TMEM114: variants seen among roughly 807,000 people sequenced by gnomAD.
TMEM114 encodes claudin-26.
TMEM114 carries 6 observed loss-of-function variants against 6.2 expected under a neutral mutation model. That is an observed-to-expected ratio of 0.97 (90% CI 0.53 to 1.91). The LOEUF (loss-of-function observed/expected upper bound fraction) is 1.91. Ranked by LOEUF, TMEM114 falls within the 40% of genes most tolerant of loss-of-function variation. TMEM114 has a pLI of 0.01. For missense variants in TMEM114, 218 were observed against 158.3 expected (o/e 1.38, Z -2.02); for synonymous variants, 104 against 73.0 (o/e 1.42, Z -2.16).
chr16:8,556,796 C>T (rs1286892324), intron 2 of TMEM114, among the ~76,000 whole-genome samples: 1 of 152,186 alleles, frequency 6.6e-6, no homozygotes, highest in African/African-American at 2.4e-5. Context: ...AGCCACCGCG[C>T]CTGACCCGTG....
chr16:8,561,865 G>T (rs62645644), intron 2 of TMEM114, among the ~76,000 whole-genome samples: 115 of 132,836 alleles, frequency 8.7e-4, no homozygotes, highest in African/African-American at 3.0e-3. Context: ...AGTGAGTGAG[G>T]GAATGAGTGA....
intron 2 of TMEM114, among the ~76,000 whole-genome samples, chr16:8,580,746 C>T (rs1164486138): frequency 1.3e-5 from 2 of 152,072 alleles, no homozygotes; most frequent in African/African-American, 2.4e-5. Context: ...GCTGAAGTGC[C>T]GTGGGCCTTA....
At position 8,569,855 on chromosome 16, in the gene TMEM114, A is replaced by G; in HGVS notation, c.590T>C (p.Ile197Thr). 1 of 1,551,058 alleles carries G rather than the reference A, an allele frequency of 6.4e-7. No individual in the cohort carries two copies. Among genetic ancestry groups the G allele is most frequent in the Non-Finnish European group, 8.7e-7 (1 of 1,146,954 alleles). Reference sequence around the variant, plus strand: ...GGCTGCCCCGGTGAGCAGCTCGGCGATGAAGCTGATCCAGCCCAGGGCCAG... The same window carrying G: ...GGCTGCCCCGGTGAGCAGCTCGGCGGTGAAGCTGATCCAGCCCAGGGCCAG... Reference protein sequence around the residue: ...WSLALGWISFIAELLTGAAFL... With the variant: ...WSLALGWISFTAELLTGAAFL... Residue 197 changes from isoleucine (I) to threonine (T), a missense_variant, in exon 4 of 4, where the codon ATC (isoleucine) becomes ACC (threonine). Ile to Thr is a moderately conservative substitution (Grantham distance 89). Transcript: ENST00000620492.
intron 2 of TMEM114, among the ~76,000 whole-genome samples, chr16:8,556,315 C>G (rs1901007950): frequency 6.6e-6 from 1 of 152,156 alleles, no homozygotes; most frequent in African/African-American, 2.4e-5. Context: ...TTCTAGGGCA[C>G]AAAAGTATCG....
At chr16:8,533,862 G>C (rs111792996), downstream of TMEM114, among the ~76,000 whole-genome samples, 964 of 152,336 alleles carry the variant, frequency 6.3e-3, 4 homozygotes, top group Admixed American at 0.011. Context: ...CCTTGGAAGA[G>C]AGTCATCCCG....
intron 2 of TMEM114, among the ~76,000 whole-genome samples, chr16:8,586,410 C>T (rs769487605): frequency 2.6e-5 from 4 of 152,190 alleles, no homozygotes; most frequent in African/African-American, 4.8e-5. Flanking sequence ...GAGGTTAAGA[C>T]ACCTATCCCA....
At chr16:8,542,733 G>C (rs1900551672) in intron 2 of TMEM114, among the ~76,000 whole-genome samples, 1 of 152,110 alleles carries the variant, frequency 6.6e-6, no homozygotes, top group Non-Finnish European at 1.5e-5. Flanking sequence ...AGGGGAATTG[G>C]AGCCTGGGGT....
chr16:8,554,677 G>T (rs1417687256), intron 2 of TMEM114, among the ~76,000 whole-genome samples: 1 of 125,650 alleles, frequency 8.0e-6, no homozygotes, highest in Non-Finnish European at 1.7e-5. Context: ...AAGGAGTGAG[G>T]CCAGGTTCAA....
chr16:8,541,074 G>A (rs1380246012), intron 2 of TMEM114, among the ~76,000 whole-genome samples: 1 of 152,122 alleles, frequency 6.6e-6, no homozygotes, highest in African/African-American at 2.4e-5. Context: ...CCCATGCAGG[G>A]TCTAATGATA....
At chr16:8,567,579 C>T (rs1282826952), downstream of TMEM114, among the ~76,000 whole-genome samples, 1 of 152,150 alleles carries the variant, frequency 6.6e-6, no homozygotes, top group African/African-American at 2.4e-5. Context: ...CGAGGAGCAT[C>T]CCTGGCCTCT....
At chr16:8,550,632 C>T (rs907554591) in intron 2 of TMEM114, among the ~76,000 whole-genome samples, 4 of 151,232 alleles carry the variant, frequency 2.6e-5, no homozygotes, top group Admixed American at 1.3e-4. Flanking sequence ...GAGCTGAGAT[C>T]GCACCATTGC....
At chr16:8,546,598 C>A (rs924273547) in intron 2 of TMEM114, among the ~76,000 whole-genome samples, 2 of 152,192 alleles carry the variant, frequency 1.3e-5, no homozygotes, top group African/African-American at 4.8e-5. Flanking sequence ...AACAATCAGT[C>A]CCAAATGCCC....
chr16:8,564,455 G>T (rs947015940), intron 2 of TMEM114, among the ~76,000 whole-genome samples: 8 of 147,690 alleles, frequency 5.4e-5, no homozygotes, highest in African/African-American at 2.1e-4. Context: ...ATGAGTGAGT[G>T]AGTAAATGAG....
intron 2 of TMEM114, among the ~76,000 whole-genome samples, chr16:8,582,690 G>C (rs1432430500): frequency 6.6e-6 from 1 of 152,182 alleles, no homozygotes; most frequent in African/African-American, 2.4e-5. Context: ...AAGAGTTCGA[G>C]ACCAGCCTGG....
intron 2 of TMEM114, among the ~76,000 whole-genome samples, chr16:8,575,293 TAA>T (rs1901882115): frequency 6.6e-6 from 1 of 152,262 alleles, no homozygotes; most frequent in African/African-American, 2.4e-5. Flanking sequence ...GCAAACATAT[TAA>T]GAGTGTCTGC....
intron 2 of TMEM114, among the ~76,000 whole-genome samples, chr16:8,584,606 T>C (rs1477824517): frequency 6.6e-6 from 1 of 152,118 alleles, no homozygotes; most frequent in Non-Finnish European, 1.5e-5. Context: ...GGAGGTGTGT[T>C]AGTCTGTTTT....
intron 2 of TMEM114, among the ~76,000 whole-genome samples, chr16:8,581,410 A>G (rs1045845524): frequency 3.3e-5 from 5 of 152,186 alleles, no homozygotes; most frequent in Non-Finnish European, 5.9e-5. Context: ...TCAAACTGGT[A>G]TGGTGAACTT....
At position 8,563,537 on chromosome 16, in the gene TMEM114, ATGAG is replaced by A. The variant is rs537248701; in HGVS notation, n.212+25672_212+25675del. Among the ~76,000 whole-genome samples the A allele has an allele frequency of 7.0e-4, 104 of 147,958 alleles. 6 individuals are homozygous for A. Among genetic ancestry groups the A allele is most frequent in the African/African-American group, 2.5e-3 (99 of 39,144 alleles). On this transcript the variant is annotated intron_variant and non_coding_transcript_variant, in intron 2 of 2. Transcript: ENST00000623677. ...AAAGAGTGAGTGAATGAGTAAGTGA[ATGAG>A]TGAGTAAGTGAATGAGTGACTGAGG... is the stretch of plus-strand genomic sequence containing the variant.
chr16:8,551,786 C>T (rs1196386333), intron 2 of TMEM114, among the ~76,000 whole-genome samples: 1 of 152,214 alleles, frequency 6.6e-6, no homozygotes, highest in Non-Finnish European at 1.5e-5. Flanking sequence ...CATTCAAGCT[C>T]ATGTACCAAA....
Sources: allele counts gnomAD v4.1 joint callset (sites outside exome capture counted in the v4.1 genomes callset), GRCh38; gene constraint gnomAD v4.1.1; transcripts MANE v1.5; gene names NCBI Gene and HGNC (gene_info 2026-07-23, HGNC 2026-07-21).